Variants in TBC1D5 observed in about 807,000 individuals in gnomAD.
The protein encoded by TBC1D5 is TBC1 domain family, member 5.
In TBC1D5, 75 loss-of-function variants were observed where a neutral mutation model predicts 100.3. The observed-to-expected ratio is 0.75, with a 90% CI of 0.62 to 0.91. The LOEUF is 0.91. Ranked by LOEUF, TBC1D5 falls within the 40% of genes least tolerant of loss-of-function variation. The probability of loss-of-function intolerance (pLI) is 0.00; values close to 1 mark genes in which losing one functional copy is unlikely to be tolerated. For synonymous variants in TBC1D5, 323 were observed against 325.6 expected, an observed-to-expected ratio of 0.99 and a Z score of 0.09; for missense variants, 910 against 942.4, an observed-to-expected ratio of 0.97 and a Z score of 0.45.
chr3:17,628,726 G>C (rs372073445), intron 1 of TBC1D5, among the ~76,000 whole-genome samples: 3 of 152,296 alleles, frequency 2.0e-5, no homozygotes, highest in Middle Eastern at 3.4e-3. Context: ...ACTAGGAATT[G>C]TTAGGATAAC....
intron 1 of TBC1D5, among the ~76,000 whole-genome samples, chr3:17,716,357 C>T (rs1204111115): frequency 2.0e-5 from 3 of 149,590 alleles, no homozygotes; most frequent in Non-Finnish European, 4.4e-5. Context: ...ATAAAACTGT[C>T]ATTTTTTTTT....
chr3:17,431,996 T>G (rs982931211), intron 3 of TBC1D5, among the ~76,000 whole-genome samples: 2 of 152,112 alleles, frequency 1.3e-5, no homozygotes, highest in Admixed American at 6.6e-5. Context: ...ATTTTTAAAC[T>G]AGGTTAAGTT....
At chr3:17,457,182 T>C (rs975347483) in intron 3 of TBC1D5, among the ~76,000 whole-genome samples, 1 of 152,200 alleles carries the variant, frequency 6.6e-6, no homozygotes, top group African/African-American at 2.4e-5. Context: ...TTTTATTTTC[T>C]ATATTCTGCT....
chr3:17,217,871 C>T (rs1227874734), intron 17 of TBC1D5, among the ~76,000 whole-genome samples: 1 of 151,988 alleles, frequency 6.6e-6, no homozygotes, highest in African/African-American at 2.4e-5. Context: ...TGGATGAAGT[C>T]TCATCTACCT....
At chr3:17,262,057 G>A (rs963896142) in intron 15 of TBC1D5, among the ~76,000 whole-genome samples, 8 of 152,110 alleles carry the variant, frequency 5.3e-5, no homozygotes. Context: ...CATCTGTATT[G>A]GAACAATTGG....
chr3:17,612,144 A>T (rs1480306340), intron 2 of TBC1D5, among the ~76,000 whole-genome samples: 1 of 151,836 alleles, frequency 6.6e-6, no homozygotes, highest in African/African-American at 2.4e-5. Context: ...TACAAAAAAT[A>T]AAAAAATTAG....
At chr3:17,161,578 A>G (rs1161414870) in intron 21 of TBC1D5, among the ~76,000 whole-genome samples, 1 of 152,264 alleles carries the variant, frequency 6.6e-6, no homozygotes, top group Non-Finnish European at 1.5e-5. Context: ...GAGATGGCCA[A>G]TAGGTTGCAG....
rs1182608579 is a variant in TBC1D5, at chr3:17,374,693, T to C, written c.702-14A>G. The C allele has an allele frequency of 6.2e-7, 1 of 1,608,984 alleles. No individual in the cohort carries two copies. The highest frequency in any genetic ancestry group is 2.2e-5 in the East Asian group (1 of 44,596). ...TTCATTTCCTCACTTAAAAAAGCAATACAAGCAATCAAAATGTGTAATTTT... is the reference window on the plus strand; with the variant it reads ...TTCATTTCCTCACTTAAAAAAGCAACACAAGCAATCAAAATGTGTAATTTT... On this transcript the variant is annotated splice_polypyrimidine_tract_variant and intron_variant, in intron 10 of 21. Coordinates refer to ENST00000253692, the Ensembl canonical transcript of TBC1D5.
chr3:17,223,361 A>G (rs2074490442), intron 17 of TBC1D5, among the ~76,000 whole-genome samples: 1 of 152,158 alleles, frequency 6.6e-6, no homozygotes. Flanking sequence ...ATTAGAATAC[A>G]CTTCAGCAAT....
intron 8 of TBC1D5, among the ~76,000 whole-genome samples, chr3:17,390,863 A>G (rs897515032): frequency 5.9e-5 from 9 of 152,106 alleles, no homozygotes; most frequent in African/African-American, 2.2e-4. Flanking sequence ...TGTGTTCCCT[A>G]TTTTGGTTGG....
chr3:17,459,952 A>G (rs1171976963), intron 3 of TBC1D5, among the ~76,000 whole-genome samples: 1 of 152,222 alleles, frequency 6.6e-6, no homozygotes, highest in Non-Finnish European at 1.5e-5. Context: ...ACATTTAATG[A>G]CAGGAGTATA....
At chr3:17,178,277 G>A (rs2068042984) in intron 19 of TBC1D5, among the ~76,000 whole-genome samples, 1 of 152,020 alleles carries the variant, frequency 6.6e-6, no homozygotes, top group Non-Finnish European at 1.5e-5. Context: ...ATGTTAGCCA[G>A]GATGGTCTCG....
intron 3 of TBC1D5, among the ~76,000 whole-genome samples, chr3:17,479,572 T>C (rs960455378): frequency 3.3e-5 from 5 of 152,180 alleles, no homozygotes; most frequent in East Asian, 3.9e-4. Context: ...AGGTCAGTCA[T>C]GGTAGTTAAC....
chr3:17,430,637 G>C (rs760143312), intron 3 of TBC1D5, among the ~76,000 whole-genome samples: 3 of 151,856 alleles, frequency 2.0e-5, no homozygotes, highest in Non-Finnish European at 4.4e-5. Context: ...ATAAAGTTTT[G>C]AAGCGGGAAA....
intron 4 of TBC1D5, among the ~76,000 whole-genome samples, chr3:17,417,753 T>C (rs1220076463): frequency 6.6e-6 from 1 of 152,178 alleles, no homozygotes; most frequent in Non-Finnish European, 1.5e-5. Flanking sequence ...TCTAGATCCC[T>C]GAGGAATCGC....
intron 19 of TBC1D5, among the ~76,000 whole-genome samples, chr3:17,175,094 A>G (rs190024617): frequency 1.5e-3 from 222 of 152,364 alleles, no homozygotes; most frequent in Non-Finnish European, 2.2e-3. Flanking sequence ...AAGAGAAATT[A>G]ACATTCATTG....
chr3:17,723,623 T>G (rs546158155), intron 1 of TBC1D5, among the ~76,000 whole-genome samples: 1 of 152,194 alleles, frequency 6.6e-6, no homozygotes, highest in African/African-American at 2.4e-5. Context: ...CACTCGTGGA[T>G]TTTTTCAAAA....
At chr3:17,176,657 AG>A (rs1337395586) in intron 19 of TBC1D5, among the ~76,000 whole-genome samples, 1 of 152,022 alleles carries the variant, frequency 6.6e-6, no homozygotes, top group African/African-American at 2.4e-5. Context: ...TTGGAGGGTG[AG>A]GGGCTAGGGA....
chr3:17,542,727 T>C (rs1280054307), intron 2 of TBC1D5, among the ~76,000 whole-genome samples: 1 of 152,220 alleles, frequency 6.6e-6, no homozygotes, highest in Non-Finnish European at 1.5e-5. Context: ...CATGTGCTTT[T>C]TTCCCTTCAT....
Sources: allele counts gnomAD v4.1 joint callset (sites outside exome capture counted in the v4.1 genomes callset), GRCh38; gene constraint gnomAD v4.1.1; transcripts MANE v1.5; gene names NCBI Gene and HGNC (gene_info 2026-07-23, HGNC 2026-07-21).